Variants in ABR observed in about 807,000 individuals in gnomAD.
ABR encodes ABR activator of RhoGEF and GTPase, also known as active breakpoint cluster region-related protein.
ABR carries 35 observed loss-of-function variants against 107.2 expected under a neutral mutation model. The ratio of observed to expected loss-of-function variants is 0.33; its 90% CI spans 0.25 to 0.43. The LOEUF is 0.43. Among genes scored for constraint, ABR ranks in the 20% least tolerant of loss-of-function variants. The pLI is 1.00. For missense variants in ABR, 815 were observed against 1,115.2 expected (o/e 0.73, Z 3.83); for synonymous variants, 498 against 462.0 (o/e 1.08, Z -1.00).
intron 1 of ABR, among the ~76,000 whole-genome samples, chr17:1,192,495 A>G (rs9913543): frequency 0.6 from 91,974 of 152,042 alleles, 29,819 homozygotes; most frequent in Middle Eastern, 0.76. Context: ...AAAGAATGTG[A>G]GCTGGGCACG....
intron 1 of ABR, among the ~76,000 whole-genome samples, chr17:1,146,562 C>A (rs1196372498): frequency 1.3e-5 from 2 of 152,062 alleles, no homozygotes; most frequent in South Asian, 4.2e-4. Flanking sequence ...CAGTTACACC[C>A]AAGTCCCTTC....
At chr17:1,204,901 C>CTTTTTTTTTTT (rs869034249) in intron 1 of ABR, among the ~76,000 whole-genome samples, 2 of 32,118 alleles carry the variant, frequency 6.2e-5, no homozygotes, top group African/African-American at 1.1e-4. Flanking sequence ...TTTTCTTTTT[C>CTTTTTTTTTTT]TTTTTTTTTT....
Position 1,179,429 on chromosome 17 carries a change from G to T in ABR, c.61+238C>A, listed in dbSNP as rs2042039299. ...CCCGGACCGCAGGAATCCTCTCTGG[G>T]GACCCCCCGCCCGCGCCCCCCAGAC... On this transcript the variant is annotated intron_variant, in intron 1 of 22. Transcript: ENST00000302538. The surrounding 1 kb of genome is among the most constrained non-coding windows in gnomAD (Gnocchi z 4.9). Among the ~76,000 whole-genome samples the T allele has an allele frequency of 6.6e-6, 1 of 152,044 alleles. No homozygotes were observed. Among genetic ancestry groups the T allele is most frequent in the South Asian group, 2.1e-4 (1 of 4,812 alleles).
intron 1 of ABR, chr17:1,185,119 G>A (rs2042246760): frequency 6.6e-6 from 1 of 152,208 alleles, no homozygotes. Flanking sequence ...CTACACGAGG[G>A]AGGCAGGCAG....
At position 1,067,149 on chromosome 17, in the gene ABR, G is replaced by A. The variant is rs762032759; in HGVS notation, c.1110C>T (p.His370=). ...CCTCCAGCTCATGGTCTGGGAAGGG[G>A]TGCACCTGGGGGCTGGCCTCAGACT... The part of the protein sequence containing the change: ...PEESEASPQV[H]PFPDHELEDM... The change falls in exon 10 of 23, where the codon CAC becomes CAT. Residue 370 remains histidine (H), a synonymous_variant. Transcript: ENST00000302538. 5.5e-5 allele frequency: 88 copies of A among 1,613,762 alleles called. No homozygotes were observed. Among genetic ancestry groups the A allele is most frequent in the Non-Finnish European group, 7.4e-5 (87 of 1,179,952 alleles).
intron 2 of ABR, among the ~76,000 whole-genome samples, chr17:1,115,931 A>G (rs2038965842): frequency 6.8e-6 from 1 of 147,844 alleles, no homozygotes; most frequent in Non-Finnish European, 1.5e-5. Context: ...TGTCTCAAAA[A>G]AATAAAATAC....
intron 1 of ABR, among the ~76,000 whole-genome samples, chr17:1,227,841 G>T (rs2150774903): frequency 6.6e-6 from 1 of 152,252 alleles, no homozygotes; most frequent in South Asian, 2.1e-4. Flanking sequence ...CCCTGACCTA[G>T]AAAGAGCTCG....
At chr17:1,058,187 T>G in intron 11 of ABR, 142 bp from the exon 12 acceptor site, 4 of 496,674 alleles carry the variant, frequency 8.1e-6, no homozygotes, top group Non-Finnish European at 1.4e-5. Context: ...TTGCCCAGGC[T>G]CTAGTGCAAT....
At chr17:1,041,464 G>A (rs1489595601) in intron 16 of ABR, among the ~76,000 whole-genome samples, 1 of 152,126 alleles carries the variant, frequency 6.6e-6, no homozygotes, top group Non-Finnish European at 1.5e-5. Context: ...GCCGGGTGCG[G>A]TGGCTCACGC....
chr17:1,199,021 T>A (rs543442945), intron 1 of ABR, among the ~76,000 whole-genome samples: 2 of 137,956 alleles, frequency 1.4e-5, no homozygotes, highest in South Asian at 4.9e-4. Flanking sequence ...GCCATTGCAC[T>A]CCAGCCTGGG....
At chr17:1,180,276 G>GGCCCGGGA (rs1598071889), upstream of ABR, among the ~76,000 whole-genome samples, 2 of 152,048 alleles carry the variant, frequency 1.3e-5, no homozygotes, top group African/African-American at 4.8e-5. Context: ...TGCCGTGGGG[G>GGCCCGGGA]GCCCGGGAGC....
chr17:1,055,096 C>T (rs1366510544), intron 14 of ABR, among the ~76,000 whole-genome samples: 2 of 152,124 alleles, frequency 1.3e-5, no homozygotes, highest in Non-Finnish European at 2.9e-5. Context: ...CCAGGCCGGG[C>T]GCAGCAGCTC....
At chr17:1,114,576 C>T (rs953550716) in intron 2 of ABR, among the ~76,000 whole-genome samples, 4 of 152,028 alleles carry the variant, frequency 2.6e-5, no homozygotes, top group South Asian at 2.1e-4. Flanking sequence ...AGTTTGAGAC[C>T]ATCCTGGCTA....
rs140692103 is a variant in ABR, at chr17:1,011,733, C to A, written c.2101+113G>T. The stretch of plus-strand genomic sequence containing the variant: ...AGCACTTGCCACGGGGACTCTGAAG[C>A]AGAGCAAGCCTCCTCTCCAGGGAGG... On this transcript the variant is annotated intron_variant, in intron 19 of 22. Transcript: ENST00000302538. This position sits in a 1 kb window ranked among gnomAD's most constrained non-coding sequence, Gnocchi z 4.8. 3 of 1,337,920 alleles carry A rather than the reference C, an allele frequency of 2.2e-6. No individual in the cohort carries two copies. The highest frequency in any genetic ancestry group is 2.9e-5 in the African/African-American group (2 of 68,742). The allele number at this position is 1,337,920 out of a possible 1,614,324, so 82.9% of individuals were successfully genotyped here.
intron 16 of ABR, among the ~76,000 whole-genome samples, chr17:1,024,466 A>T (rs2663337): frequency 0.2 from 30,845 of 151,858 alleles, 3,645 homozygotes; most frequent in Admixed American, 0.33. Context: ...CATCTGAGTC[A>T]CTCTCTGAGC....
intron 1 of ABR, among the ~76,000 whole-genome samples, chr17:1,170,763 T>A (rs1053051650): frequency 4.6e-5 from 7 of 152,154 alleles, no homozygotes; most frequent in Non-Finnish European, 8.8e-5. Flanking sequence ...CTAAACCAAA[T>A]TAAAAACTAG....
chr17:1,047,457 C>T (rs112034616), intron 16 of ABR, among the ~76,000 whole-genome samples: 114 of 152,288 alleles, frequency 7.5e-4, no homozygotes, highest in African/African-American at 2.5e-3. Context: ...AGCCACAGCC[C>T]GCCCCTGGGG....
At chr17:1,213,796 CA>C (rs2042948751) in intron 1 of ABR, among the ~76,000 whole-genome samples, 5 of 152,204 alleles carry the variant, frequency 3.3e-5, no homozygotes, top group Admixed American at 3.3e-4. Context: ...TTCACTTCTT[CA>C]AAGATGACAG....
intron 1 of ABR, among the ~76,000 whole-genome samples, chr17:1,223,304 A>C (rs2043152558): frequency 1.3e-5 from 2 of 149,158 alleles, no homozygotes; most frequent in African/African-American, 4.9e-5. Flanking sequence ...AATCAGTAAC[A>C]ACACACACAC....
Sources: allele counts gnomAD v4.1 joint callset (sites outside exome capture counted in the v4.1 genomes callset), GRCh38; gene constraint gnomAD v4.1.1; non-coding constraint Gnocchi (gnomAD v3.1); transcripts MANE v1.5; gene names NCBI Gene and HGNC (gene_info 2026-07-23, HGNC 2026-07-21).